Variants in HTR4 observed in about 807,000 individuals in gnomAD.
HTR4 encodes the protein 5-hydroxytryptamine receptor 4.
In HTR4, 16 loss-of-function variants were observed where a neutral mutation model predicts 36.8. The observed-to-expected ratio is 0.43, with a 90% CI of 0.29 to 0.66. The LOEUF (loss-of-function observed/expected upper bound fraction) is 0.66, where lower values mean the gene tolerates loss of function less well. Among genes scored for constraint, HTR4 ranks in the 30% least tolerant of loss-of-function variants. The probability of loss-of-function intolerance (pLI) is 0.13; values close to 1 mark genes in which losing one functional copy is unlikely to be tolerated. For synonymous variants in HTR4, 189 were observed against 185.1 expected, an observed-to-expected ratio of 1.02 and a Z score of -0.17; for missense variants, 438 against 490.9, an observed-to-expected ratio of 0.89 and a Z score of 1.02.
intron 5 of HTR4, among the ~76,000 whole-genome samples, chr5:148,470,506 C>T (rs1322984442): frequency 6.6e-6 from 1 of 152,128 alleles, no homozygotes; most frequent in African/African-American, 2.4e-5. Flanking sequence ...GGCCTTGAAG[C>T]CACATAGAGT....
chr5:148,456,490 C>A (rs1755105117), intron 5 of HTR4, among the ~76,000 whole-genome samples: 1 of 152,196 alleles, frequency 6.6e-6, no homozygotes, highest in Non-Finnish European at 1.5e-5. Flanking sequence ...CAGGGTACTG[C>A]AGGCAAACCG....
At chr5:148,552,152 A>C (rs551684729) in intron 2 of HTR4, among the ~76,000 whole-genome samples, 1 of 152,232 alleles carries the variant, frequency 6.6e-6, no homozygotes, top group African/African-American at 2.4e-5. Context: ...ACAAGGGGCC[A>C]AAGGGAATGA....
chr5:148,514,638 G>A (rs1215577867), intron 5 of HTR4, among the ~76,000 whole-genome samples: 1 of 152,084 alleles, frequency 6.6e-6, no homozygotes, highest in East Asian at 1.9e-4. Context: ...CATGCATGAA[G>A]ATATGAAGAA....
At chr5:148,585,802 T>C (rs1407876998) in intron 2 of HTR4, among the ~76,000 whole-genome samples, 1 of 152,228 alleles carries the variant, frequency 6.6e-6, no homozygotes, top group East Asian at 1.9e-4. Context: ...CCAGGATGAC[T>C]GAGATAGAAA....
chr5:148,499,536 T>C (rs1756840683), intron 6 of HTR4, among the ~76,000 whole-genome samples: 1 of 152,224 alleles, frequency 6.6e-6, no homozygotes, highest in African/African-American at 2.4e-5. Context: ...TCTTTTTAAA[T>C]CCTTAAGCCT....
chr5:148,490,742 C>A (rs1331243665), intron 6 of HTR4: 23 of 1,270,494 alleles, frequency 1.8e-5, no homozygotes, highest in Non-Finnish European at 2.4e-5. Context: ...CAATCCATTC[C>A]ATTTTGTGCT....
chr5:148,573,058 C>CAG (rs1474144731), intron 2 of HTR4, among the ~76,000 whole-genome samples: 1 of 152,048 alleles, frequency 6.6e-6, no homozygotes, highest in Non-Finnish European at 1.5e-5. Flanking sequence ...CCAAACAGCT[C>CAG]AGAGGTTCTG....
chr5:148,465,782 G>T (rs889830345), intron 5 of HTR4: 2 of 1,563,060 alleles, frequency 1.3e-6, no homozygotes, highest in Non-Finnish European at 1.7e-6. Context: ...AGACACTTAA[G>T]GATATTTTGT....
chr5:148,520,149 G>A (rs1757944944), intron 5 of HTR4, among the ~76,000 whole-genome samples: 1 of 152,148 alleles, frequency 6.6e-6, no homozygotes, highest in Non-Finnish European at 1.5e-5. Context: ...TGTTTGCAAT[G>A]ACTTTATAGA....
intron 5 of HTR4, among the ~76,000 whole-genome samples, chr5:148,454,092 A>G (rs1426614300): frequency 2.0e-5 from 3 of 152,202 alleles, no homozygotes; most frequent in Non-Finnish European, 4.4e-5. Flanking sequence ...GCAGAATAGT[A>G]ACCATGACCC....
chr5:148,596,782 C>T (rs779447588), intron 2 of HTR4, among the ~76,000 whole-genome samples: 1 of 152,048 alleles, frequency 6.6e-6, no homozygotes, highest in Non-Finnish European at 1.5e-5. Context: ...GCCTCCATGT[C>T]CATCTTTCAT....
chr5:148,494,162 A>G (rs1038912141), intron 6 of HTR4, among the ~76,000 whole-genome samples: 1 of 152,222 alleles, frequency 6.6e-6, no homozygotes, highest in Non-Finnish European at 1.5e-5. Context: ...CATATTTTTT[A>G]AAGTGGTGGA....
chr5:148,500,759 G>T (rs555917597), intron 6 of HTR4, among the ~76,000 whole-genome samples: 7 of 151,950 alleles, frequency 4.6e-5, no homozygotes, highest in Non-Finnish European at 8.8e-5. Context: ...ATTTAAAAGA[G>T]GTTCAATCTG....
rs1444651166 is a variant in HTR4, at chr5:148,549,172, C to T, written c.153-304G>A. Among the ~76,000 whole-genome samples the T allele has an allele frequency of 2.6e-5, 4 of 152,162 alleles. No homozygotes were observed. The East Asian group carries it at 5.8e-4, about 22-fold the overall frequency. ...CCACCCTGCCCTAATCTGAGTTTCC[C>T]TGCACATATAGGTCCCTTTTGAGGG... On this transcript the variant is annotated intron_variant, in intron 3 of 6. Transcript: ENST00000377888.
chr5:148,587,099 C>T lies in HTR4; in HGVS notation c.27-36837G>A, dbSNP rs748000000. ...ACCTCTGGCTGCTTTAGAAACTTAT[C>T]GTACCTGCTGGACCTCTGGAACCAC... On this transcript the variant is annotated intron_variant, in intron 2 of 6. Transcript: ENST00000377888. Among the ~76,000 whole-genome samples the T allele has an allele frequency of 1.2e-4, 19 of 152,252 alleles. 1 individual carries two copies. The highest frequency in any genetic ancestry group is 7.9e-4 in the Admixed American group (12 of 15,286).
intron 1 of HTR4, among the ~76,000 whole-genome samples, chr5:148,653,410 G>A (rs1430315272): frequency 6.6e-6 from 1 of 152,140 alleles, no homozygotes; most frequent in Non-Finnish European, 1.5e-5. Flanking sequence ...GCACAGTGCC[G>A]CACAGGGTAG....
intron 4 of HTR4, among the ~76,000 whole-genome samples, chr5:148,530,277 C>T (rs941392300): frequency 6.6e-5 from 10 of 152,148 alleles, no homozygotes; most frequent in Non-Finnish European, 1.0e-4. Flanking sequence ...TAGAGGTCTA[C>T]GTGGCAGCTC....
chr5:148,584,378 A>C (rs1581509050), intron 2 of HTR4, among the ~76,000 whole-genome samples: 1 of 152,270 alleles, frequency 6.6e-6, no homozygotes, highest in East Asian at 1.9e-4. Flanking sequence ...CCTTCCAATT[A>C]CATGACTCCA....
At chr5:148,493,659 C>T (rs531384149) in intron 6 of HTR4, among the ~76,000 whole-genome samples, 2 of 151,798 alleles carry the variant, frequency 1.3e-5, no homozygotes, top group East Asian at 3.9e-4. Flanking sequence ...AACACCAAGA[C>T]AAGTTGGGAG....
Sources: allele counts gnomAD v4.1 joint callset (sites outside exome capture counted in the v4.1 genomes callset), GRCh38; gene constraint gnomAD v4.1.1; transcripts MANE v1.5; gene names NCBI Gene and HGNC (gene_info 2026-07-23, HGNC 2026-07-21).